RSU1: variants seen among roughly 807,000 people sequenced by gnomAD.
RSU1 encodes the protein rsu-1.
Under a neutral mutation model 31.1 loss-of-function variants are expected in RSU1, and 26 were observed. That is an observed-to-expected ratio of 0.84 (90% CI 0.61 to 1.16). The LOEUF (loss-of-function observed/expected upper bound fraction) is 1.16, where lower values mean the gene tolerates loss of function less well. Ranked by LOEUF, RSU1 falls within the 50% of genes most tolerant of loss-of-function variation. The probability of loss-of-function intolerance (pLI) is 0.00; values close to 1 mark genes in which losing one functional copy is unlikely to be tolerated. For missense variants in RSU1, 320 were observed against 339.1 expected, an observed-to-expected ratio of 0.94 and a Z score of 0.44; for synonymous variants, 164 against 136.3, an observed-to-expected ratio of 1.20 and a Z score of -1.41.
chr10:16,693,477 CAA>C (rs773915130), intron 8 of RSU1, among the ~76,000 whole-genome samples: 42 of 131,140 alleles, frequency 3.2e-4, no homozygotes, highest in Non-Finnish European at 2.7e-4. Context: ...TTTCTGATAC[CAA>C]AAAAAAAAAA....
At chr10:16,628,450 T>C (rs961320784) in intron 8 of RSU1, among the ~76,000 whole-genome samples, 1 of 152,094 alleles carries the variant, frequency 6.6e-6, no homozygotes, top group South Asian at 2.1e-4. Flanking sequence ...TCTTTCGATA[T>C]AAATCTTAAA....
intron 8 of RSU1, among the ~76,000 whole-genome samples, chr10:16,600,009 T>C (rs1204850922): frequency 6.6e-6 from 1 of 152,114 alleles, no homozygotes; most frequent in Non-Finnish European, 1.5e-5. Context: ...ATCTCTCCCC[T>C]GATAGCCGGG....
intron 8 of RSU1, among the ~76,000 whole-genome samples, chr10:16,610,899 GT>G (rs1833881677): frequency 6.6e-6 from 1 of 152,084 alleles, no homozygotes; most frequent in East Asian, 1.9e-4. Context: ...CTAGAGTCCC[GT>G]TTACCTAGAG....
At chr10:16,813,070 C>G (rs1163757037) in intron 2 of RSU1, among the ~76,000 whole-genome samples, 2 of 151,342 alleles carry the variant, frequency 1.3e-5, no homozygotes, top group African/African-American at 4.9e-5. Flanking sequence ...CTCCTGGGTT[C>G]CAGCAATCCT....
intron 8 of RSU1, among the ~76,000 whole-genome samples, chr10:16,640,864 T>A (rs1019803327): frequency 7.2e-5 from 11 of 152,154 alleles, no homozygotes; most frequent in African/African-American, 2.7e-4. Context: ...CACCACTGAA[T>A]CCCTTAGCCA....
intron 8 of RSU1, among the ~76,000 whole-genome samples, chr10:16,645,523 A>T (rs75072828): frequency 0.027 from 4,136 of 152,150 alleles, 184 homozygotes; most frequent in African/African-American, 0.092. Flanking sequence ...ACAAGTCACA[A>T]TGTGGCTGGG....
intron 8 of RSU1, among the ~76,000 whole-genome samples, chr10:16,641,513 A>C (rs1199164676): frequency 6.7e-6 from 1 of 149,696 alleles, no homozygotes; most frequent in Non-Finnish European, 1.5e-5. Flanking sequence ...AAAAAATTAA[A>C]AAGGTTATTC....
intron 8 of RSU1, among the ~76,000 whole-genome samples, chr10:16,693,978 A>C (rs1413326971): frequency 6.6e-6 from 1 of 152,220 alleles, no homozygotes; most frequent in Non-Finnish European, 1.5e-5. Context: ...TTAAAATTAT[A>C]CTAGATCTCA....
At chr10:16,635,175 G>T (rs931544182) in intron 8 of RSU1, among the ~76,000 whole-genome samples, 3 of 152,172 alleles carry the variant, frequency 2.0e-5, no homozygotes, top group Non-Finnish European at 4.4e-5. Flanking sequence ...CATGTGCAAT[G>T]GAATATTGGC....
Position 16,602,923 on chromosome 10 carries a change from G to A in RSU1, c.732-9427C>T, listed in dbSNP as rs189819255. Among the ~76,000 whole-genome samples, 187 of 152,250 alleles carry A rather than the reference G, an allele frequency of 1.2e-3. 1 individual carries two copies. The highest frequency in any genetic ancestry group is 4.1e-3 in the African/African-American group (172 of 41,526). On this transcript the variant is annotated intron_variant, in intron 8 of 8. Coordinates refer to ENST00000345264, the MANE Select transcript of RSU1 (RefSeq NM_012425.4). ...TGTAATAGCTTTATTTCTCCTAGCC[G>A]GCGGCTATCAGGGGCTGGTGACAGA... is the stretch of plus-strand genomic sequence containing the variant.
intron 2 of RSU1, among the ~76,000 whole-genome samples, chr10:16,796,432 A>G (rs1328574138): frequency 2.0e-5 from 3 of 151,886 alleles, no homozygotes; most frequent in African/African-American, 7.3e-5. Context: ...TTCTCTCAAC[A>G]CTGCAAACAA....
At chr10:16,755,020 G>C in intron 4 of RSU1, 31 bp from the exon 5 acceptor site, 1 of 1,320,852 alleles carries the variant, frequency 7.6e-7, no homozygotes, top group East Asian at 2.3e-5. Flanking sequence ...TCTATGTCAT[G>C]ACACCAAAGA....
Position 16,752,615 on chromosome 10 carries a change from C to G in RSU1, c.522G>C (p.Lys174Asn). ...LRDNDLISLPKEIGELTQLKE... is the reference protein window; with the variant it reads ...LRDNDLISLPNEIGELTQLKE... ...TAAGCTGGGTAAGCTCCCCGATTTC[C>G]TTAGGCAGCGAGATCAGGTCGTTAT... Residue 174 changes from lysine (K) to asparagine (N), a missense_variant, in exon 7 of 9, where the codon AAG becomes AAC. By Grantham distance (94) the Lys-to-Asn change is moderately conservative. Coordinates refer to ENST00000345264, the MANE Select transcript of RSU1 (RefSeq NM_012425.4). The G allele has an allele frequency of 6.2e-7, 1 of 1,614,076 alleles. No individual in the cohort carries two copies. The highest frequency in any genetic ancestry group is 1.1e-5 in the South Asian group (1 of 91,076).
chr10:16,804,497 A>T (rs954659576), intron 2 of RSU1, among the ~76,000 whole-genome samples: 4 of 152,244 alleles, frequency 2.6e-5, no homozygotes, highest in Admixed American at 2.6e-4. Flanking sequence ...TCTTCTGTCT[A>T]TACAAAAATC....
chr10:16,767,500 C>T (rs1418242222), intron 3 of RSU1: 2 of 152,124 alleles, frequency 1.3e-5, no homozygotes, highest in Non-Finnish European at 2.9e-5. Flanking sequence ...AAACCTCTCC[C>T]AGCCTTTTGG....
chr10:16,748,615 C>A (rs554432911), intron 7 of RSU1, among the ~76,000 whole-genome samples: 2 of 152,286 alleles, frequency 1.3e-5, no homozygotes, highest in South Asian at 4.1e-4. Context: ...CCTACCAGTT[C>A]CCATGTGAAC....
chr10:16,711,828 C>G (rs1324605920), intron 7 of RSU1, among the ~76,000 whole-genome samples: 1 of 152,168 alleles, frequency 6.6e-6, no homozygotes. Flanking sequence ...GAGAATGTTT[C>G]ATGTGTAATT....
At chr10:16,623,402 T>C (rs767807743) in intron 8 of RSU1, among the ~76,000 whole-genome samples, 8 of 152,212 alleles carry the variant, frequency 5.3e-5, no homozygotes, top group Non-Finnish European at 1.0e-4. Context: ...GTGGTATATA[T>C]GCATCACATT....
chr10:16,738,158 A>G (rs1836672329), intron 7 of RSU1, among the ~76,000 whole-genome samples: 1 of 152,180 alleles, frequency 6.6e-6, no homozygotes, highest in African/African-American at 2.4e-5. Context: ...TACACTAAAA[A>G]AGAAGAGGCC....
Sources: allele counts gnomAD v4.1 joint callset (sites outside exome capture counted in the v4.1 genomes callset), GRCh38; gene constraint gnomAD v4.1.1; transcripts MANE v1.5; gene names NCBI Gene and HGNC (gene_info 2026-07-23, HGNC 2026-07-21).